Variants in PJA2 observed in about 807,000 individuals in gnomAD.
PJA2 encodes praja ring finger ubiquitin ligase 2.
A neutral mutation model predicts 69.3 loss-of-function variants in PJA2; 25 were observed. The ratio of observed to expected loss-of-function variants is 0.36; its 90% CI spans 0.26 to 0.50. PJA2 has a LOEUF of 0.50. PJA2 is among the 20% of genes least tolerant of loss of function. The pLI is 0.96. For synonymous variants in PJA2, 308 were observed against 277.8 expected (o/e 1.11, Z -1.08); for missense variants, 809 against 830.2 (o/e 0.97, Z 0.31).
At chr5:109,364,480 G>T (rs997286167) in intron 5 of PJA2, among the ~76,000 whole-genome samples, 1 of 151,186 alleles carries the variant, frequency 6.6e-6, no homozygotes, top group South Asian at 2.1e-4. Context: ...AAAATTAGCC[G>T]GGCGTAGTGG....
intron 4 of PJA2, among the ~76,000 whole-genome samples, chr5:109,373,357 G>C (rs757310066): frequency 3.9e-5 from 6 of 152,148 alleles, no homozygotes; most frequent in Admixed American, 6.5e-5. Context: ...TAGAGGCACA[G>C]AATGAGAGGG....
intron 9 of PJA2, 125 bp downstream of exon 9, chr5:109,344,065 C>G (rs1394014986): frequency 4.4e-6 from 3 of 676,908 alleles, no homozygotes; most frequent in Non-Finnish European, 6.8e-6. Context: ...CCACTGCACT[C>G]CAGCCTAGGT....
At chr5:109,370,900 A>T (rs1009793429) in intron 4 of PJA2, among the ~76,000 whole-genome samples, 22 of 152,354 alleles carry the variant, frequency 1.4e-4, no homozygotes, top group Non-Finnish European at 2.2e-4. Flanking sequence ...ATAACATTAA[A>T]AAGTCCTCAC....
At chr5:109,400,513 C>T (rs371186199) in intron 1 of PJA2, among the ~76,000 whole-genome samples, 85 of 150,892 alleles carry the variant, frequency 5.6e-4, no homozygotes, top group African/African-American at 1.4e-3. Context: ...GGGGGTGTCG[C>T]GGGCAGTGGA....
chr5:109,373,287 T>A (rs1338330811), intron 4 of PJA2, among the ~76,000 whole-genome samples: 1 of 152,022 alleles, frequency 6.6e-6, no homozygotes. Context: ...AACTCAAGGT[T>A]GAGAGACAGA....
intron 9 of PJA2, among the ~76,000 whole-genome samples, chr5:109,342,193 A>T (rs1333653799): frequency 6.6e-5 from 3 of 45,388 alleles, no homozygotes; most frequent in African/African-American, 1.8e-4. Context: ...TCCGGGAGGG[A>T]GGTGGGGGGG....
chr5:109,399,210 CAAA>C (rs1251249257), intron 1 of PJA2, among the ~76,000 whole-genome samples: 6 of 96,626 alleles, frequency 6.2e-5, no homozygotes, highest in Non-Finnish European at 4.4e-5. Flanking sequence ...AACTCTGTCT[CAAA>C]AAAAAAAAAA....
intron 7 of PJA2, among the ~76,000 whole-genome samples, chr5:109,350,303 T>C (rs1762229474): frequency 6.6e-6 from 1 of 151,642 alleles, no homozygotes; most frequent in Middle Eastern, 3.2e-3. Flanking sequence ...AAAAAAAAAC[T>C]ATCTATACCT....
chr5:109,380,932 T>C (rs1747032395), intron 3 of PJA2, among the ~76,000 whole-genome samples: 1 of 151,712 alleles, frequency 6.6e-6, no homozygotes, highest in Non-Finnish European at 1.5e-5. Flanking sequence ...CTGGCCAACG[T>C]GGTGAAACCC....
intron 1 of PJA2, among the ~76,000 whole-genome samples, chr5:109,389,859 G>C (rs1263415874): frequency 6.6e-6 from 1 of 150,492 alleles, no homozygotes; most frequent in Non-Finnish European, 1.5e-5. Flanking sequence ...TTCATCCACA[G>C]GCTACTCAGA....
chr5:109,379,010 T>C lies in PJA2; in HGVS notation c.477A>G (p.Gly159=), dbSNP rs1341528498. The C allele has an allele frequency of 6.2e-7, 1 of 1,614,054 alleles. No individual in the cohort carries two copies. The highest frequency in any genetic ancestry group is 8.5e-7 in the Non-Finnish European group (1 of 1,180,030). The part of the protein sequence containing the change: ...GACSASSVQN[G]IALVHTDSYD... ...AAGAGTCTGTATGAACCAATGCAAT[T>C]CCATTTTGGACACTTGAAGCACTAC... The change falls in exon 4 of 10, where the codon GGA becomes GGG. Residue 159 remains glycine, a synonymous_variant. Transcript: ENST00000361189.
chr5:109,351,135 G>T, intron 7 of PJA2, among the ~76,000 whole-genome samples: 1 of 149,868 alleles, frequency 6.7e-6, no homozygotes, highest in Non-Finnish European at 1.5e-5. Context: ...AAAAAAAACG[G>T]AAGGAATCTA....
intron 1 of PJA2, among the ~76,000 whole-genome samples, chr5:109,395,577 T>A (rs115373784): frequency 0.03 from 4,621 of 152,128 alleles, 91 homozygotes; most frequent in Middle Eastern, 0.048. Flanking sequence ...GGCCCACAGG[T>A]CTTAATAGAA....
rs200663624 is a variant in PJA2, at chr5:109,364,622, C to CAAAAAAAA, written c.1470-1608_1470-1601dup. ...TGGGCGACAGAGCGAGACTCTGTCTCAAAAAAAAAAAAAAAAAAATTTCAG... is the reference window on the plus strand; with the variant it reads ...TGGGCGACAGAGCGAGACTCTGTCTCAAAAAAAAAAAAAAAAAAAAAAAAAAATTTCAG... On this transcript the variant is annotated intron_variant, in intron 5 of 9. Coordinates refer to ENST00000361189, the MANE Select transcript of PJA2 (RefSeq NM_014819.5). Among the ~76,000 whole-genome samples the CAAAAAAAA allele has an allele frequency of 5.0e-3, 312 of 61,824 alleles. 4 individuals carry two copies. Among genetic ancestry groups the CAAAAAAAA allele is most frequent in the African/African-American group, 0.016 (301 of 18,316 alleles). The allele number at this position is 61,824 out of a possible 152,430, so 40.6% of individuals were successfully genotyped here.
At chr5:109,389,817 A>G (rs903146240) in intron 1 of PJA2, among the ~76,000 whole-genome samples, 1 of 151,852 alleles carries the variant, frequency 6.6e-6, no homozygotes, top group African/African-American at 2.4e-5. Context: ...TTCAGATTAA[A>G]ATGTTTTCTA....
intron 1 of PJA2, among the ~76,000 whole-genome samples, chr5:109,395,005 C>T (rs1020226896): frequency 1.3e-5 from 2 of 152,154 alleles, no homozygotes; most frequent in South Asian, 2.1e-4. Context: ...TTCATACTAT[C>T]TGTATGAGCC....
chr5:109,370,848 TA>T lies in PJA2; in HGVS notation c.1284-2103del, dbSNP rs1351593193. 2.6e-5 allele frequency among the ~76,000 whole-genome samples: 4 copies of T among 151,786 alleles called. No individual in the cohort carries two copies. The South Asian group carries it at 8.3e-4, about 32-fold the overall frequency. On this transcript the variant is annotated intron_variant, in intron 4 of 9. Coordinates refer to ENST00000361189, the MANE Select transcript of PJA2 (RefSeq NM_014819.5). The stretch of plus-strand genomic sequence containing the variant: ...ATATATAAAAGAGAAGCTCAGTTTT[TA>T]AAAAAAAATTTTCACTCAGAATATG...
At chr5:109,348,250 G>GA (rs1318837875) in intron 7 of PJA2, among the ~76,000 whole-genome samples, 2 of 152,142 alleles carry the variant, frequency 1.3e-5, no homozygotes, top group African/African-American at 4.8e-5. Context: ...TGCACTTACA[G>GA]AAAAAAATTA....
chr5:109,383,807 C>T (rs1747102131), intron 1 of PJA2, among the ~76,000 whole-genome samples: 1 of 152,098 alleles, frequency 6.6e-6, no homozygotes, highest in Non-Finnish European at 1.5e-5. Context: ...GTGGTGCACA[C>T]CTCTAGTCCC....
Sources: allele counts gnomAD v4.1 joint callset (sites outside exome capture counted in the v4.1 genomes callset), GRCh38; gene constraint gnomAD v4.1.1; transcripts MANE v1.5; gene names NCBI Gene and HGNC (gene_info 2026-07-23, HGNC 2026-07-21).